FNDC3B: variants seen among roughly 807,000 people sequenced by gnomAD.
FNDC3B encodes the protein fibronectin type III domain containing 3B, also known as fibronectin type III domain-containing protein 3B.
Under a neutral mutation model 151.5 loss-of-function variants are expected in FNDC3B, and 12 were observed. The ratio of observed to expected loss-of-function variants is 0.08; its 90% CI spans 0.05 to 0.13. The LOEUF (loss-of-function observed/expected upper bound fraction) is 0.13. Ranked by LOEUF, FNDC3B falls within the 10% of genes least tolerant of loss-of-function variation. The pLI, the probability that FNDC3B is intolerant of heterozygous loss-of-function variation, is 1.00. For missense variants in FNDC3B, 1,214 were observed against 1,505.3 expected (o/e 0.81, Z 3.20); for synonymous variants, 528 against 549.0 (o/e 0.96, Z 0.54).
chr3:172,270,005 G>A (rs369128913), intron 6 of FNDC3B, among the ~76,000 whole-genome samples: 5 of 152,290 alleles, frequency 3.3e-5, no homozygotes, highest in African/African-American at 9.6e-5. Flanking sequence ...TCACTTGAGT[G>A]GCAACTCTTC....
intron 3 of FNDC3B, among the ~76,000 whole-genome samples, chr3:172,161,753 C>T (rs552955659): frequency 3.3e-5 from 5 of 152,262 alleles, no homozygotes; most frequent in Middle Eastern, 3.4e-3. Flanking sequence ...GCATACAGTT[C>T]AGTGGTTTCA....
At chr3:172,216,576 G>A (rs1293621807) in intron 3 of FNDC3B, among the ~76,000 whole-genome samples, 1 of 152,192 alleles carries the variant, frequency 6.6e-6, no homozygotes, top group African/African-American at 2.4e-5. Context: ...CTCAGGCTGT[G>A]GTGAGAGGAT....
At chr3:172,163,114 T>A (rs182587609) in intron 3 of FNDC3B, among the ~76,000 whole-genome samples, 12 of 151,920 alleles carry the variant, frequency 7.9e-5, no homozygotes, top group East Asian at 7.7e-4. Context: ...AAAATTTTTT[T>A]AAAAAAATTA....
At chr3:172,138,650 T>C (rs1721482536) in intron 3 of FNDC3B, among the ~76,000 whole-genome samples, 1 of 152,252 alleles carries the variant, frequency 6.6e-6, no homozygotes, top group Non-Finnish European at 1.5e-5. Flanking sequence ...TAAAAAATAC[T>C]GATTAAAGTA....
chr3:172,353,237 A>G (rs557583568), intron 22 of FNDC3B, among the ~76,000 whole-genome samples, 154 bp downstream of exon 22: 55 of 152,290 alleles, frequency 3.6e-4, no homozygotes, highest in Non-Finnish European at 6.6e-4. Context: ...CCCTCAGGCC[A>G]GAAGACCTGT....
chr3:172,364,627 C>T (rs982721378), intron 23 of FNDC3B, among the ~76,000 whole-genome samples: 2 of 152,222 alleles, frequency 1.3e-5, no homozygotes, highest in African/African-American at 4.8e-5. Context: ...CAAGGTTTTC[C>T]ATGACACGGT....
Position 172,040,523 on chromosome 3 carries a change from C to G in FNDC3B, c.-29+752C>G, listed in dbSNP as rs1715978531. The G allele has an allele frequency of 6.6e-6, 1 of 151,908 alleles. No homozygotes were observed. Among genetic ancestry groups the G allele is most frequent in the Non-Finnish European group, 1.5e-5 (1 of 68,028 alleles). 9.4% of individuals were successfully genotyped at this position (151,908 alleles called of 1,614,324 possible). A position where few individuals can be genotyped will look rare whatever the true frequency, so the allele number is the denominator to read the frequency against. ...CCGGGCTGGGGGCGGTAACCGGCGG[C>G]CGCGGCCGGACTTGGCGAGCCGGCG... is the stretch of plus-strand genomic sequence containing the variant. On this transcript the variant is annotated intron_variant, in intron 1 of 25. Coordinates refer to ENST00000415807, the MANE Select transcript of FNDC3B (RefSeq NM_022763.4). This position sits in a 1 kb window ranked among gnomAD's most constrained non-coding sequence, Gnocchi z 6.6.
rs576722008 is a variant in FNDC3B at position 172,292,797 on chromosome 3, CATT to C, written c.850-2564_850-2562del. Among the ~76,000 whole-genome samples the C allele has an allele frequency of 5.9e-5, 9 of 152,264 alleles. No individual in the cohort carries two copies. The South Asian group carries it at 1.9e-3, about 32-fold the overall frequency. On this transcript the variant is annotated intron_variant, in intron 7 of 25. Transcript: ENST00000415807. ...TGATACCCAATACCTCAGGATTACTCATTAATGGTATGTGAAGGAATTGAGCAG... is the reference window on the plus strand; with the variant it reads ...TGATACCCAATACCTCAGGATTACTCAATGGTATGTGAAGGAATTGAGCAG...
At chr3:172,331,552 G>C (rs2108289469) in intron 13 of FNDC3B, among the ~76,000 whole-genome samples, 1 of 152,134 alleles carries the variant, frequency 6.6e-6, no homozygotes, top group East Asian at 1.9e-4. Flanking sequence ...AGTAGAGATG[G>C]GGTTTCACCA....
At chr3:172,196,155 T>C (rs982316316) in intron 3 of FNDC3B, among the ~76,000 whole-genome samples, 7 of 152,228 alleles carry the variant, frequency 4.6e-5, no homozygotes, top group African/African-American at 1.7e-4. Context: ...TTCAGATTTT[T>C]AAATTTAATT....
chr3:172,066,694 G>A lies in FNDC3B; in HGVS notation c.-29+26923G>A, dbSNP rs144027896. Among the ~76,000 whole-genome samples the A allele has an allele frequency of 7.3e-3, 1,110 of 152,334 alleles. 17 individuals carry two copies. The highest frequency in any genetic ancestry group is 0.026 in the African/African-American group (1,068 of 41,572). On this transcript the variant is annotated intron_variant, in intron 1 of 25. Transcript: ENST00000415807. Reference sequence around the variant, plus strand: ...TGGTTACTGAGTAACTTGGGAGTTAGAAGAACATTAACAAAGTTTTGTGTT... The same window carrying A: ...TGGTTACTGAGTAACTTGGGAGTTAAAAGAACATTAACAAAGTTTTGTGTT...
At chr3:172,299,051 A>G (rs898977678) in intron 9 of FNDC3B, among the ~76,000 whole-genome samples, 7 of 152,216 alleles carry the variant, frequency 4.6e-5, no homozygotes, top group Non-Finnish European at 8.8e-5. Flanking sequence ...TCTAAGATCT[A>G]TTGGACTATG....
chr3:172,337,506 T>C (rs1733046783), intron 16 of FNDC3B, 105 bp downstream of exon 16: 13 of 766,386 alleles, frequency 1.7e-5, no homozygotes, highest in Non-Finnish European at 2.4e-5. Flanking sequence ...ATTCTAAAGA[T>C]AGAATTATTA....
At chr3:172,153,525 C>T (rs1722335585) in intron 3 of FNDC3B, among the ~76,000 whole-genome samples, 1 of 152,212 alleles carries the variant, frequency 6.6e-6, no homozygotes, top group East Asian at 1.9e-4. Context: ...CCTCAGTGTA[C>T]TGAGGAAGGA....
intron 11 of FNDC3B, among the ~76,000 whole-genome samples, chr3:172,323,920 T>A (rs1732215571): frequency 6.6e-6 from 1 of 152,170 alleles, no homozygotes; most frequent in Non-Finnish European, 1.5e-5. Context: ...TATGTAGTAT[T>A]CTAAGCGTTA....
At chr3:172,339,833 G>C (rs749577913) in intron 16 of FNDC3B, among the ~76,000 whole-genome samples, 3 of 152,134 alleles carry the variant, frequency 2.0e-5, no homozygotes, top group Non-Finnish European at 4.4e-5. Flanking sequence ...CACCTTTTCA[G>C]TACAGGTTTT....
chr3:172,364,224 G>A (rs1011316894), intron 23 of FNDC3B, among the ~76,000 whole-genome samples: 2 of 152,152 alleles, frequency 1.3e-5, no homozygotes, highest in Admixed American at 6.5e-5. Flanking sequence ...CAACTCAACA[G>A]GAGAGGGCTG....
chr3:172,051,368 A>G (rs1224358132), intron 1 of FNDC3B, among the ~76,000 whole-genome samples: 2 of 152,052 alleles, frequency 1.3e-5, no homozygotes, highest in African/African-American at 4.8e-5. Context: ...TTGTTGTCTA[A>G]TAGTCTCCTT....
intron 7 of FNDC3B, among the ~76,000 whole-genome samples, chr3:172,292,433 G>C (rs1202781836): frequency 6.6e-6 from 1 of 152,226 alleles, no homozygotes; most frequent in Non-Finnish European, 1.5e-5. Context: ...GATGCTTCAA[G>C]TGTTGTATTT....
Sources: allele counts gnomAD v4.1 joint callset (sites outside exome capture counted in the v4.1 genomes callset), GRCh38; gene constraint gnomAD v4.1.1; non-coding constraint Gnocchi (gnomAD v3.1); transcripts MANE v1.5; gene names NCBI Gene and HGNC (gene_info 2026-07-23, HGNC 2026-07-21).